Variants in SNRNP70 observed in about 807,000 individuals in gnomAD.
SNRNP70 encodes the protein small nuclear ribonucleoprotein U1 subunit 70.
SNRNP70 carries 8 observed loss-of-function variants against 50.5 expected under a neutral mutation model. The ratio of observed to expected loss-of-function variants is 0.16; its 90% CI spans 0.09 to 0.29. The LOEUF is 0.29. Among genes scored for constraint, SNRNP70 ranks in the 10% least tolerant of loss-of-function variants. The probability of loss-of-function intolerance (pLI) is 1.00; values close to 1 mark genes in which losing one functional copy is unlikely to be tolerated. For synonymous variants in SNRNP70, 320 were observed against 252.9 expected (o/e 1.27, Z -2.52); for missense variants, 529 against 663.5 (o/e 0.80, Z 2.23).
chr19:49,108,214 G>A lies in SNRNP70; in HGVS notation c.1085G>A (p.Arg362His). ...RERRRSHRSE[R>H]ERRRDRDRDR... ...CGACGGCGGAGCCACCGGAGCGAGC[G>A]CGAGCGGCGCCGGGACCGGGATCGT... Residue 362 changes from arginine (R) to histidine (H), a missense_variant, in exon 10 of 10, where the codon CGC becomes CAC. Arg to His is a conservative substitution (Grantham distance 29). Transcript: ENST00000598441. 1 of 1,534,134 alleles carries A rather than the reference G, an allele frequency of 6.5e-7. No individual in the cohort carries two copies. The highest frequency in any genetic ancestry group is 8.8e-7 in the Non-Finnish European group (1 of 1,139,550).
chr19:49,105,496 A>G (rs552300068), intron 8 of SNRNP70, among the ~76,000 whole-genome samples: 1 of 152,078 alleles, frequency 6.6e-6, no homozygotes, highest in South Asian at 2.1e-4. Flanking sequence ...TGGGAGGCCG[A>G]GGCGGGTGGA....
At chr19:49,088,643 C>T (rs369949241) in intron 2 of SNRNP70, among the ~76,000 whole-genome samples, 40 of 151,940 alleles carry the variant, frequency 2.6e-4, no homozygotes, top group African/African-American at 7.5e-4. Context: ...ATTACAGGCA[C>T]GCGCTACCAT....
intron 2 of SNRNP70, among the ~76,000 whole-genome samples, chr19:49,089,732 G>C (rs970291470): frequency 7.5e-6 from 1 of 133,404 alleles, no homozygotes; most frequent in Non-Finnish European, 1.5e-5. Flanking sequence ...GTGCGATCTC[G>C]GCTCACTGCA....
In SNRNP70 at chr19:49,108,057, C is replaced by T. The variant is rs767971546; in HGVS notation, c.928C>T (p.Arg310Cys). The T allele has an allele frequency of 1.9e-6, 3 of 1,551,114 alleles. No individual in the cohort carries two copies. Among genetic ancestry groups the T allele is most frequent in the African/African-American group, 2.7e-5 (2 of 73,360 alleles). Reference sequence around the variant, plus strand: ...GGAGCGGGAGCGCAAGGAGGAGCTGCGTGGCGGCGGTGGCGACATGGCGGA... The same window carrying T: ...GGAGCGGGAGCGCAAGGAGGAGCTGTGTGGCGGCGGTGGCGACATGGCGGA... ...RRERERKEEL[R>C]GGGGDMAEPS... The change falls in exon 10 of 10, where the codon CGT (arginine) becomes TGT (cysteine). Residue 310 changes from arginine to cysteine, a missense_variant. Physicochemically the swap from Arg to Cys is radical, Grantham distance 180. Transcript: ENST00000598441.
intron 4 of SNRNP70, among the ~76,000 whole-genome samples, chr19:49,093,381 C>T (rs556535688): frequency 3.9e-5 from 6 of 152,190 alleles, no homozygotes; most frequent in Admixed American, 6.5e-5. Flanking sequence ...CCACCACACC[C>T]GGCCAGAAAT....
In SNRNP70 at chr19:49,108,011, G is replaced by T; in HGVS notation, c.882G>T (p.Arg294=). 1 of 1,548,082 alleles carries T rather than the reference G, an allele frequency of 6.5e-7. No homozygotes were observed. The highest frequency in any genetic ancestry group is 8.7e-7 in the Non-Finnish European group (1 of 1,146,320). ...GGGACCGGAAGCGGCGAAGCAGCCGGAGTCGGGAGCGGGCCCGGCGGGAGC... is the reference window on the plus strand; with the variant it reads ...GGGACCGGAAGCGGCGAAGCAGCCGTAGTCGGGAGCGGGCCCGGCGGGAGC... The part of the protein sequence containing the change: ...KDRDRKRRSS[R]SRERARRERE... Residue 294 remains arginine, a synonymous_variant, in exon 10 of 10, where the codon CGG becomes CGT. Coordinates refer to ENST00000598441, the MANE Select transcript of SNRNP70 (RefSeq NM_003089.6).
In SNRNP70 at chr19:49,108,312, G is replaced by T. The variant is rs1224262465; in HGVS notation, c.1183G>T (p.Gly395Trp). 3.1e-6 allele frequency: 5 copies of T among 1,590,142 alleles called. No individual in the cohort carries two copies. The highest frequency in any genetic ancestry group is 3.4e-6 in the Non-Finnish European group (4 of 1,169,220). The change falls in exon 10 of 10, where the codon GGG becomes TGG. Residue 395 changes from glycine to tryptophan, a missense_variant. By Grantham distance (184) the Gly-to-Trp change is radical. Transcript: ENST00000598441. ...GCGGGGCAGGGATGAGGCCCGAGGTGGGGGCGGTGGCCAGGACAACGGGCT... is the reference window on the plus strand; with the variant it reads ...GCGGGGCAGGGATGAGGCCCGAGGTTGGGGCGGTGGCCAGGACAACGGGCT... The part of the protein sequence containing the change: ...SERGRDEARG[G>W]GGGQDNGLEG...
At chr19:49,101,333 T>G in intron 6 of SNRNP70, 57 bp from the exon 7 acceptor site, 3 of 1,324,670 alleles carry the variant, frequency 2.3e-6, no homozygotes, top group Non-Finnish European at 3.3e-6. Flanking sequence ...GTTGTGGGGT[T>G]GGTGGGGCGG....
rs372534575 is a variant in SNRNP70 at position 49,108,236 on chromosome 19, TCGTGAC to T, written c.1122_1127del (p.Asp375_Arg376del). ...AGCGCGAGCGGCGCCGGGACCGGGA[TCGTGAC>T]CGTGACCGTGACCGCGAGCACAAAC... On this transcript the variant is annotated inframe_deletion, in exon 10 of 10. Coordinates refer to ENST00000598441, the MANE Select transcript of SNRNP70 (RefSeq NM_003089.6). 1,148 of 1,539,630 alleles carry T rather than the reference TCGTGAC, an allele frequency of 7.5e-4. 4 individuals carry two copies. The highest frequency in any genetic ancestry group is 4.1e-3 in the African/African-American group (297 of 72,614).
chr19:49,093,797 C>A (rs913412338), intron 4 of SNRNP70, among the ~76,000 whole-genome samples: 2 of 151,344 alleles, frequency 1.3e-5, no homozygotes, highest in Non-Finnish European at 3.0e-5. Flanking sequence ...AGTTCAAGAC[C>A]AGCCTGGCCA....
chr19:49,097,159 C>T (rs993916808), intron 4 of SNRNP70, among the ~76,000 whole-genome samples: 5 of 151,984 alleles, frequency 3.3e-5, no homozygotes, highest in Non-Finnish European at 7.4e-5. Context: ...GACTTTATTT[C>T]TCTAGCTTCT....
chr19:49,098,770 G>A, intron 6 of SNRNP70, 66 bp downstream of exon 6: 1 of 1,295,864 alleles, frequency 7.7e-7, no homozygotes, highest in Non-Finnish European at 1.1e-6. Flanking sequence ...TCCTGAGAGG[G>A]AGGGAGAGAG....
chr19:49,107,870 G>A lies in SNRNP70; in HGVS notation c.741G>A (p.Glu247=). The change falls in exon 10 of 10, where the codon GAG becomes GAA. Residue 247 remains glutamate, a synonymous_variant. Transcript: ENST00000598441. The surrounding 1 kb of genome is among the most constrained non-coding windows in gnomAD (Gnocchi z 6.0). ...RERERRERSR[E]RDKERERRRS... is the part of the protein sequence containing the mutation. Reference sequence around the variant, plus strand: ...GGGAGCGCAGAGAGCGGAGCCGGGAGCGAGACAAGGAGCGAGAACGGCGAC... The same window carrying A: ...GGGAGCGCAGAGAGCGGAGCCGGGAACGAGACAAGGAGCGAGAACGGCGAC... 6.4e-7 allele frequency: 1 copy of A among 1,557,154 alleles called. No homozygotes were observed. Among genetic ancestry groups the A allele is most frequent in the Non-Finnish European group, 8.7e-7 (1 of 1,151,212 alleles).
chr19:49,098,209 G>T (rs1389022125), intron 4 of SNRNP70, among the ~76,000 whole-genome samples: 1 of 152,128 alleles, frequency 6.6e-6, no homozygotes, highest in African/African-American at 2.4e-5. Context: ...CAGCAGCCTG[G>T]ATTATCTCTC....
At position 49,108,166 on chromosome 19, in the gene SNRNP70, A is replaced by G. The variant is rs2122420285; in HGVS notation, c.1037A>G (p.Lys346Arg). ...GACGGCCCTGACGGTCCAGAGGAAA[A>G]GGGCCGGGATCGTGACCGGGAGCGA... ...GPDGPDGPEE[K>R]GRDRDRERRR... is the part of the protein sequence containing the mutation. The change falls in exon 10 of 10, where the codon AAG becomes AGG. Residue 346 changes from lysine (K) to arginine (R), a missense_variant. By Grantham distance (26) the Lys-to-Arg change is conservative. Transcript: ENST00000598441. 1 of 1,540,604 alleles carries G rather than the reference A, an allele frequency of 6.5e-7. No individual in the cohort carries two copies. Among genetic ancestry groups the G allele is most frequent in the Non-Finnish European group, 8.7e-7 (1 of 1,143,074 alleles).
chr19:49,108,457 T>TC lies in SNRNP70; in HGVS notation c.*16dup. The TC allele has an allele frequency of 6.3e-7, 1 of 1,582,262 alleles. No homozygotes were observed. Among genetic ancestry groups the TC allele is most frequent in the Non-Finnish European group, 8.6e-7 (1 of 1,165,232 alleles). On this transcript the variant is annotated 3_prime_UTR_variant, in exon 10 of 10. Coordinates refer to ENST00000598441, the MANE Select transcript of SNRNP70 (RefSeq NM_003089.6). ...GCGCCGGAGTGAAGAGGTCGTCCTCTCCATCTGCTGTGTTTGGACGCGTTC... is the reference window on the plus strand; with the variant it reads ...GCGCCGGAGTGAAGAGGTCGTCCTCTCCCATCTGCTGTGTTTGGACGCGTTC...
intron 7 of SNRNP70, chr19:49,103,628 G>C (rs945936483): frequency 2.0e-5 from 3 of 152,512 alleles, no homozygotes; most frequent in Non-Finnish European, 2.9e-5. Context: ...TGTTATTTGG[G>C]GGGGAGCGGG....
At chr19:49,101,183 G>A (rs2040580505) in intron 6 of SNRNP70, among the ~76,000 whole-genome samples, 1 of 152,090 alleles carries the variant, frequency 6.6e-6, no homozygotes, top group Non-Finnish European at 1.5e-5. Flanking sequence ...CTTTCTTTAG[G>A]TCTTAGCTTA....
At chr19:49,087,301 G>A (rs2040394493) in intron 2 of SNRNP70, among the ~76,000 whole-genome samples, 1 of 152,038 alleles carries the variant, frequency 6.6e-6, no homozygotes. Flanking sequence ...TCTGACTTTG[G>A]GCAAATGTTG....
Sources: allele counts gnomAD v4.1 joint callset (sites outside exome capture counted in the v4.1 genomes callset), GRCh38; gene constraint gnomAD v4.1.1; non-coding constraint Gnocchi (gnomAD v3.1); transcripts MANE v1.5; gene names NCBI Gene and HGNC (gene_info 2026-07-23, HGNC 2026-07-21).